The following CNTN2 variants were observed in gnomAD, a reference collection of about 807,000 sequenced individuals.
The protein encoded by CNTN2 is contactin-2.
Under a neutral mutation model 117.5 loss-of-function variants are expected in CNTN2, and 53 were observed. The ratio of observed to expected loss-of-function variants is 0.45; its 90% confidence interval spans 0.36 to 0.57. The LOEUF (loss-of-function observed/expected upper bound fraction) is 0.57, where lower values mean the gene tolerates loss of function less well. CNTN2 is among the 20% of genes least tolerant of loss of function. The pLI is 0.00. For missense variants in CNTN2, 1,106 were observed against 1,404.3 expected (o/e 0.79, Z 3.39); for synonymous variants, 530 against 561.7 (o/e 0.94, Z 0.80).
chr1:205,070,926 G>A (rs1298293893), intron 19 of CNTN2: 1 of 154,390 alleles, frequency 6.5e-6, no homozygotes, highest in Non-Finnish European at 1.4e-5. Context: ...CGTTCAGGAG[G>A]CAGAGGTTGC....
At chr1:205,047,638 T>G (rs543157424) in intron 1 of CNTN2, among the ~76,000 whole-genome samples, 1 of 152,080 alleles carries the variant, frequency 6.6e-6, no homozygotes, top group African/African-American at 2.4e-5. Flanking sequence ...CATTGCACCT[T>G]TGAGGCGTAA....
chr1:205,076,077 T>C lies in CNTN2; in HGVS notation c.*2312T>C, dbSNP rs535383770. On this transcript the variant is annotated 3_prime_UTR_variant, in exon 23 of 23. Transcript: ENST00000331830. ...CACTAAACTTGCTTCAGGCCAACGATAGTTACTCACAAGTAAGTACCTTAA... is the reference window on the plus strand; with the variant it reads ...CACTAAACTTGCTTCAGGCCAACGACAGTTACTCACAAGTAAGTACCTTAA... The C allele has an allele frequency of 1.3e-5, 2 of 152,264 alleles. No individual in the cohort carries two copies. Among genetic ancestry groups the C allele is most frequent in the African/African-American group, 4.8e-5 (2 of 41,560 alleles). 9.4% of individuals were successfully genotyped at this position (152,264 alleles called of 1,614,324 possible).
intron 1 of CNTN2, among the ~76,000 whole-genome samples, chr1:205,044,720 GGCCGGATGA>G (rs1259398481): frequency 6.6e-6 from 1 of 152,188 alleles, no homozygotes; most frequent in Non-Finnish European, 1.5e-5. Flanking sequence ...CACTCAGAGG[GGCCGGATGA>G]GCCACTGGAG....
At chr1:205,043,061 G>A (rs1424793477), upstream of CNTN2, 1 of 150,568 alleles carries the variant, frequency 6.6e-6, no homozygotes, top group Non-Finnish European at 1.5e-5. Flanking sequence ...AGGAGGGTGG[G>A]GACGGAAGTG....
At chr1:205,068,013 G>C (rs933856900) in intron 16 of CNTN2, 1 of 152,112 alleles carries the variant, frequency 6.6e-6, no homozygotes, top group African/African-American at 2.4e-5. Context: ...TGTGCAGGGG[G>C]CTAGGGAAGC....
rs2096455719 is a variant in CNTN2, at chr1:205,053,102, CCT to C, written c.-83_-82del. ...CTCCTTTCTGTCTGCCTCCCCAGGT[CCT>C]TTCTCAGCCTCCAGCTGGGCTGTCC... On this transcript the variant is annotated 5_prime_UTR_variant, in exon 2 of 23. Transcript: ENST00000331830. 1 of 1,046,886 alleles carries C rather than the reference CCT, an allele frequency of 9.6e-7. No homozygotes were observed. The highest frequency in any genetic ancestry group is 1.4e-6 in the Non-Finnish European group (1 of 725,042). 64.8% of individuals were successfully genotyped at this position (1,046,886 alleles called of 1,614,324 possible).
In CNTN2 at chr1:205,075,209, T is replaced by TTAG. The variant is rs963416465; in HGVS notation, c.*1444_*1445insTAG. 1 of 295,502 alleles carries TTAG rather than the reference T, an allele frequency of 3.4e-6. No homozygotes were observed. The highest frequency in any genetic ancestry group is 6.2e-6 in the Non-Finnish European group (1 of 160,812). The allele number at this position is 295,502 out of a possible 1,614,324, so 18.3% of individuals were successfully genotyped here. A position where few individuals can be genotyped will look rare whatever the true frequency, so the allele number is the denominator to read the frequency against. On this transcript the variant is annotated 3_prime_UTR_variant, in exon 23 of 23. Transcript: ENST00000331830. ...AATGGCTATGGCCTGGCTAAGAAGG[T>TTAG]GATTAGTCAGTAGGGTGTGAAAATT...
In CNTN2 at chr1:205,058,181, G is replaced by A; in HGVS notation, c.216G>A (p.Arg72=). The A allele has an allele frequency of 4.4e-6, 7 of 1,589,998 alleles. No homozygotes were observed. Among genetic ancestry groups the A allele is most frequent in the Non-Finnish European group, 6.0e-6 (7 of 1,168,556 alleles). The change falls in exon 4 of 23, where the codon CGG becomes CGA. Residue 72 remains arginine (R), a splice_region_variant and synonymous_variant. Coordinates refer to ENST00000331830, the MANE Select transcript of CNTN2 (RefSeq NM_005076.5). This position sits in a 1 kb window ranked among gnomAD's most constrained non-coding sequence, Gnocchi z 4.3. ...RARASPPATY[R]WKMNGTEMKL... Reference sequence around the variant, plus strand: ...CCCCTTCCTCTGTCCCCTGCTGCAGGTGGAAGATGAATGGTACCGAGATGA... The same window carrying A: ...CCCCTTCCTCTGTCCCCTGCTGCAGATGGAAGATGAATGGTACCGAGATGA...
rs1001503764 is a variant in CNTN2 at position 205,055,309 on chromosome 1, G to T, written c.70+2054G>T. Among the ~76,000 whole-genome samples the T allele has an allele frequency of 2.2e-4, 34 of 152,162 alleles. 1 individual carries two copies. The highest frequency in any genetic ancestry group is 2.0e-3 in the Admixed American group (30 of 15,274). On this transcript the variant is annotated intron_variant, in intron 2 of 22. Coordinates refer to ENST00000331830, the MANE Select transcript of CNTN2 (RefSeq NM_005076.5). ...GATTACAGGCAGAGAGTGTGTTTTT[G>T]CATGTGCATGTGTAAGCACACACAC...
Position 205,061,298 on chromosome 1 carries a change from G to A in CNTN2, c.851G>A (p.Trp284Ter), listed in dbSNP as rs1446948758. 2.5e-6 allele frequency: 4 copies of A among 1,614,092 alleles called. No homozygotes were observed. The highest frequency in any genetic ancestry group is 3.4e-6 in the Non-Finnish European group (4 of 1,179,974). The change falls in exon 8 of 23, where the codon TGG becomes TAG. Residue 284 changes from tryptophan to a stop codon, truncating the protein, a stop_gained. Transcript: ENST00000331830. LOFTEE classifies it high-confidence loss of function. This position sits in a 1 kb window ranked among gnomAD's most constrained non-coding sequence, Gnocchi z 4.8. ...GTGGACGGCTCCCTGTCCCCGCAGT[G>A]GACCACAGCTGAGCCCACCCTGCAG... ...RKVDGSLSPQ[W>*]TTAEPTLQIP...
At chr1:205,064,012 G>A (rs1558547173) in intron 10 of CNTN2, among the ~76,000 whole-genome samples, 1 of 151,896 alleles carries the variant, frequency 6.6e-6, no homozygotes, top group Non-Finnish European at 1.5e-5. Context: ...GGGCTTCACT[G>A]AGTGTGAGTT....
Position 205,058,829 on chromosome 1 carries a change from A to C in CNTN2, c.487+166A>C. 1 of 678,424 alleles carries C rather than the reference A, an allele frequency of 1.5e-6. No individual in the cohort carries two copies. The highest frequency in any genetic ancestry group is 1.9e-5 in the South Asian group (1 of 51,694). The allele number at this position is 678,424 out of a possible 1,614,324, so 42.0% of individuals were successfully genotyped here. On this transcript the variant is annotated intron_variant, in intron 5 of 22. Coordinates refer to ENST00000331830, the MANE Select transcript of CNTN2 (RefSeq NM_005076.5). The surrounding 1 kb of genome is among the most constrained non-coding windows in gnomAD (Gnocchi z 4.3). Reference sequence around the variant, plus strand: ...TCTGTGTTTCCTTTATAGGTCTGTCACTTTCCATCGTTGTGCCCTGCTTCC... The same window carrying C: ...TCTGTGTTTCCTTTATAGGTCTGTCCCTTTCCATCGTTGTGCCCTGCTTCC...
intron 20 of CNTN2, 131 bp downstream of exon 20, chr1:205,072,264 C>A: frequency 1.0e-6 from 1 of 986,278 alleles, no homozygotes; most frequent in Non-Finnish European, 1.5e-6. Context: ...AATTAGGCAG[C>A]GAGCCTAATG....
At position 205,065,609 on chromosome 1, in the gene CNTN2, G is replaced by A. The variant is rs540161643; in HGVS notation, c.1696-180G>A. 1.7e-4 allele frequency among the ~76,000 whole-genome samples: 25 copies of A among 148,864 alleles called. No homozygotes were observed. Among genetic ancestry groups the A allele is most frequent in the Admixed American group, 4.1e-4 (6 of 14,804 alleles). ...AACAAACTTTGCTGTTTAGTCCCCAGTGGTTCTAAGTGATGAGTCGTGATT... is the reference window on the plus strand; with the variant it reads ...AACAAACTTTGCTGTTTAGTCCCCAATGGTTCTAAGTGATGAGTCGTGATT... On this transcript the variant is annotated intron_variant, in intron 13 of 22. Transcript: ENST00000331830. The surrounding 1 kb of genome is among the most constrained non-coding windows in gnomAD (Gnocchi z 4.1).
At chr1:205,051,783 T>C (rs2151184932) in intron 1 of CNTN2, among the ~76,000 whole-genome samples, 1 of 152,028 alleles carries the variant, frequency 6.6e-6, no homozygotes, top group Admixed American at 6.5e-5. Context: ...ATGTGGAGGG[T>C]TGAAAGGGTT....
In CNTN2 at chr1:205,074,482, C is replaced by T. The variant is rs758579113; in HGVS notation, c.*717C>T. ...GGTGGAAAGGGGCACCAGCCTTGGT[C>T]TGAGATAGTCACAACCCAGGTGACG... On this transcript the variant is annotated 3_prime_UTR_variant, in exon 23 of 23. Coordinates refer to ENST00000331830, the MANE Select transcript of CNTN2 (RefSeq NM_005076.5). 4 of 398,268 alleles carry T rather than the reference C, an allele frequency of 1.0e-5. No individual in the cohort carries two copies. The highest frequency in any genetic ancestry group is 1.8e-5 in the Non-Finnish European group (4 of 226,212). The allele number at this position is 398,268 out of a possible 1,614,324, so 24.7% of individuals were successfully genotyped here. A position where few individuals can be genotyped will look rare whatever the true frequency, so the allele number is the denominator to read the frequency against.
At chr1:205,051,317 T>G (rs1278639579) in intron 1 of CNTN2, among the ~76,000 whole-genome samples, 1 of 152,182 alleles carries the variant, frequency 6.6e-6, no homozygotes, top group Admixed American at 6.5e-5. Context: ...GAATTGAATT[T>G]TTTGCGTAGA....
rs1654845123 is a variant in CNTN2, at chr1:205,075,973, G to A, written c.*2208G>A. Reference sequence around the variant, plus strand: ...CCTCGGGCTGCGTCAGGGGAAGCAGGGGACAGGTGTCCAGTTGCTGGGCCG... The same window carrying A: ...CCTCGGGCTGCGTCAGGGGAAGCAGAGGACAGGTGTCCAGTTGCTGGGCCG... On this transcript the variant is annotated 3_prime_UTR_variant, in exon 23 of 23. Coordinates refer to ENST00000331830, the MANE Select transcript of CNTN2 (RefSeq NM_005076.5). 2 of 152,222 alleles carry A rather than the reference G, an allele frequency of 1.3e-5. No homozygotes were observed. The highest frequency in any genetic ancestry group is 4.8e-5 in the African/African-American group (2 of 41,452). 9.4% of individuals were successfully genotyped at this position (152,222 alleles called of 1,614,324 possible). A position where few individuals can be genotyped will look rare whatever the true frequency, so the allele number is the denominator to read the frequency against.
At chr1:205,051,949 C>T (rs561888849) in intron 1 of CNTN2, among the ~76,000 whole-genome samples, 2 of 152,308 alleles carry the variant, frequency 1.3e-5, no homozygotes, top group East Asian at 3.9e-4. Flanking sequence ...GGACAGCATT[C>T]CCAAGCCCTT....
Sources: gnomAD v4.1 joint callset for allele counts (sites outside exome capture counted in the v4.1 genomes callset) on GRCh38, gnomAD v4.1.1 for gene constraint, Gnocchi (gnomAD v3.1) non-coding constraint, MANE v1.5 for transcripts, NCBI Gene and HGNC (gene_info 2026-07-23, HGNC 2026-07-21) for gene names.